The following MMRN1 variants were observed in gnomAD, a reference collection of about 807,000 sequenced individuals.
MMRN1 encodes the protein multimerin 1, also known as multimerin-1.
Under a neutral mutation model 100.7 loss-of-function variants are expected in MMRN1, and 94 were observed. The observed-to-expected ratio is 0.93, with a 90% CI of 0.79 to 1.11. The LOEUF (loss-of-function observed/expected upper bound fraction) is 1.11. Ranked by LOEUF, MMRN1 falls within the 50% of genes least tolerant of loss-of-function variation. The pLI, the probability that MMRN1 is intolerant of heterozygous loss-of-function variation, is 0.00. For synonymous variants in MMRN1, 575 were observed against 505.0 expected, an observed-to-expected ratio of 1.14 and a Z score of -1.86; for missense variants, 1,606 against 1,439.1, an observed-to-expected ratio of 1.12 and a Z score of -1.88.
At chr4:89,925,252 T>C (rs1722211277) in intron 4 of MMRN1, among the ~76,000 whole-genome samples, 1 of 149,662 alleles carries the variant, frequency 6.7e-6, no homozygotes. Flanking sequence ...TCCTCCTGCC[T>C]CAGTGCCCAA....
chr4:89,892,495 A>C (rs1721077998), upstream of MMRN1, among the ~76,000 whole-genome samples: 1 of 151,866 alleles, frequency 6.6e-6, no homozygotes, highest in Non-Finnish European at 1.5e-5. Context: ...TCTCAGAAAG[A>C]AGAATTTGAG....
At chr4:89,880,043 T>C (rs1720786290) in intron 1 of MMRN1, among the ~76,000 whole-genome samples, 1 of 152,194 alleles carries the variant, frequency 6.6e-6, no homozygotes. Flanking sequence ...GGACAATTGG[T>C]GCACTTACAA....
At chr4:89,885,951 A>G (rs570737262) in intron 1 of MMRN1, among the ~76,000 whole-genome samples, 4 of 151,578 alleles carry the variant, frequency 2.6e-5, no homozygotes, top group South Asian at 2.1e-4. Context: ...GATCTTTTTT[A>G]CCTATTACTT....
At chr4:89,917,671 A>C (rs1721965274) in intron 3 of MMRN1, among the ~76,000 whole-genome samples, 1 of 151,838 alleles carries the variant, frequency 6.6e-6, no homozygotes, top group Non-Finnish European at 1.5e-5. Context: ...ATACCAGCTA[A>C]ATGATGTCCT....
intron 1 of MMRN1, among the ~76,000 whole-genome samples, chr4:89,902,447 C>T (rs996068643): frequency 4.6e-5 from 7 of 151,804 alleles, no homozygotes; most frequent in Non-Finnish European, 7.4e-5. Context: ...ATATTTAATT[C>T]GATGTACCAC....
In MMRN1 at chr4:89,911,998, A is replaced by C; in HGVS notation, c.798A>C (p.Ser266=). 1.2e-6 allele frequency: 2 copies of C among 1,604,270 alleles called. No individual in the cohort carries two copies. The highest frequency in any genetic ancestry group is 8.5e-7 in the Non-Finnish European group (1 of 1,174,246). The stretch of plus-strand genomic sequence containing the variant: ...GGATGCAACATAAAATTGTCACCTC[A>C]TTGGATTGGAGGTGCTGTCCTGGAT... The part of the protein sequence containing the change: ...VYRMQHKIVT[S]LDWRCCPGYS... The change falls in exon 3 of 8, where the codon TCA becomes TCC. Residue 266 remains serine (S), a synonymous_variant. Transcript: ENST00000264790.
rs868301903 is a variant in MMRN1 at position 89,935,284 on chromosome 4, C to T, written c.1604C>T (p.Ala535Val). The T allele has an allele frequency of 8.1e-6, 13 of 1,613,752 alleles. No individual in the cohort carries two copies. Among genetic ancestry groups the T allele is most frequent in the Middle Eastern group, 3.3e-4 (2 of 6,056 alleles). ...TCAGACCAGAAGAATGCTCCAGCTG[C>T]TGAGTCAGTTAGCAATAATGTCACT... The part of the protein sequence containing the change: ...QVSDQKNAPA[A>V]ESVSNNVTEY... The change falls in exon 6 of 8, where the codon GCT (alanine) becomes GTT (valine). Residue 535 changes from alanine (A) to valine (V), a missense_variant. Coordinates refer to ENST00000264790, the MANE Select transcript of MMRN1 (RefSeq NM_007351.3).
intron 1 of MMRN1, chr4:89,901,833 T>G (rs1450414742): frequency 6.6e-6 from 1 of 152,066 alleles, no homozygotes; most frequent in East Asian, 1.9e-4. Context: ...TGCTTATATA[T>G]TCCTAATAAT....
chr4:89,918,483 T>G (rs1196137878), intron 3 of MMRN1, among the ~76,000 whole-genome samples: 2 of 151,894 alleles, frequency 1.3e-5, no homozygotes, highest in South Asian at 2.1e-4. Context: ...AGTCCAAATA[T>G]TCTTCCAATT....
In MMRN1 at chr4:89,927,868, C is replaced by A. The variant is rs1321506445; in HGVS notation, c.1029C>A (p.Asp343Glu). The A allele has an allele frequency of 6.2e-7, 1 of 1,612,354 alleles. No homozygotes were observed. The highest frequency in any genetic ancestry group is 1.7e-5 in the Admixed American group (1 of 59,836). Residue 343 changes from aspartate to glutamate, a missense_variant, in exon 5 of 8, where the codon GAC becomes GAA. Physicochemically the swap from Asp to Glu is conservative, Grantham distance 45. Coordinates refer to ENST00000264790, the MANE Select transcript of MMRN1 (RefSeq NM_007351.3). ...MKLTLLQKKI[D>E]NISLTVNDVR... Reference sequence around the variant, plus strand: ...TGACTCTTCTGCAGAAGAAGATTGACAATATTTCTTTGACTGTGAATGATG... The same window carrying A: ...TGACTCTTCTGCAGAAGAAGATTGAAAATATTTCTTTGACTGTGAATGATG...
intron 6 of MMRN1, among the ~76,000 whole-genome samples, chr4:89,948,460 A>T (rs537433056): frequency 1.3e-5 from 2 of 152,314 alleles, no homozygotes; most frequent in East Asian, 3.9e-4. Flanking sequence ...ATAATTGTAA[A>T]TTCATGTTTA....
At chr4:89,922,167 C>T (rs535719429) in intron 3 of MMRN1, among the ~76,000 whole-genome samples, 31 of 152,110 alleles carry the variant, frequency 2.0e-4, no homozygotes, top group African/African-American at 7.0e-4. Flanking sequence ...TGCAGTGATG[C>T]CATCTCGGCT....
Position 89,953,264 on chromosome 4 carries a change from A to G in MMRN1, c.3533A>G (p.Asn1178Ser). 1.2e-6 allele frequency: 2 copies of G among 1,613,892 alleles called. No individual in the cohort carries two copies. Among genetic ancestry groups the G allele is most frequent in the Non-Finnish European group, 1.7e-6 (2 of 1,179,858 alleles). ...CTTGCATTTGAGTCTGAAAATATTA[A>G]CAGTGAAATACACTGTGATAGGGTT... ...DKLAFESENI[N>S]SEIHCDRVLT... is the part of the protein sequence containing the mutation. Residue 1178 changes from asparagine to serine, a missense_variant, in exon 8 of 8, where the codon AAC (asparagine) becomes AGC (serine). Transcript: ENST00000264790.
chr4:89,880,504 C>T (rs186025216), intron 1 of MMRN1, among the ~76,000 whole-genome samples: 1 of 152,138 alleles, frequency 6.6e-6, no homozygotes, highest in East Asian at 1.9e-4. Flanking sequence ...TGCAAGTTGT[C>T]CAACAAGAAT....
chr4:89,903,803 G>A (rs987866052), intron 1 of MMRN1, among the ~76,000 whole-genome samples: 1 of 151,140 alleles, frequency 6.6e-6, no homozygotes, highest in African/African-American at 2.4e-5. Flanking sequence ...ACTATGTTAT[G>A]GGAAATTTTT....
At chr4:89,883,500 T>G (rs1394016367) in intron 1 of MMRN1, among the ~76,000 whole-genome samples, 1 of 152,158 alleles carries the variant, frequency 6.6e-6, no homozygotes. Flanking sequence ...CTAAAGATGC[T>G]GAGACATCTT....
intron 4 of MMRN1, among the ~76,000 whole-genome samples, chr4:89,924,708 G>C (rs952755072): frequency 6.6e-6 from 1 of 151,984 alleles, no homozygotes; most frequent in East Asian, 1.9e-4. Flanking sequence ...GTCTAACGTG[G>C]TGGTGTGTGC....
At chr4:89,891,254 A>G (rs571036680), upstream of MMRN1, among the ~76,000 whole-genome samples, 21 of 152,164 alleles carry the variant, frequency 1.4e-4, no homozygotes, top group South Asian at 4.1e-3. Context: ...CAAGTTCATT[A>G]TATTTATTTA....
At chr4:89,913,013 A>G (rs1721803490) in intron 3 of MMRN1, among the ~76,000 whole-genome samples, 1 of 151,300 alleles carries the variant, frequency 6.6e-6, no homozygotes, top group Non-Finnish European at 1.5e-5. Context: ...CAGAATGAAT[A>G]TGTACTTCAT....
Sources: gnomAD v4.1 joint callset for allele counts (sites outside exome capture counted in the v4.1 genomes callset) on GRCh38, gnomAD v4.1.1 for gene constraint, MANE v1.5 for transcripts, NCBI Gene and HGNC (gene_info 2026-07-23, HGNC 2026-07-21) for gene names.